NT5E: variants seen among roughly 807,000 people sequenced by gnomAD.
NT5E encodes 5'-nucleotidase.
NT5E carries 53 observed loss-of-function variants against 55.1 expected under a neutral mutation model. That is an observed-to-expected ratio of 0.96 (90% CI 0.77 to 1.21). The LOEUF is 1.21. NT5E is among the 50% of genes most tolerant of loss of function. NT5E has a pLI of 0.00. For missense variants in NT5E, 683 were observed against 724.3 expected (o/e 0.94, Z 0.65); for synonymous variants, 270 against 278.4 (o/e 0.97, Z 0.30).
chr6:85,487,307 G>A (rs769613191), intron 4 of NT5E, 28 bp from the exon 5 acceptor site: 4 of 1,599,202 alleles, frequency 2.5e-6, no homozygotes, highest in Admixed American at 3.3e-5. Context: ...AGATTTAATT[G>A]TAGGGTACCT....
In NT5E at chr6:85,471,312, A is replaced by G. The variant is rs1167551453; in HGVS notation, c.638A>G (p.Asn213Ser). The G allele has an allele frequency of 1.2e-6, 2 of 1,613,034 alleles. No individual in the cohort carries two copies. Among genetic ancestry groups the G allele is most frequent in the East Asian group, 2.2e-5 (1 of 44,866 alleles). Residue 213 changes from asparagine to serine, a missense_variant, in exon 3 of 9, where the codon AAC (asparagine) becomes AGC (serine). Coordinates refer to ENST00000257770, the MANE Select transcript of NT5E (RefSeq NM_002526.4). ...GATAAGTTAAAAACTCTAAATGTGA[A>G]CAAAATTATTGCACTGGGACATTCG... is the stretch of plus-strand genomic sequence containing the variant. ...EVDKLKTLNV[N>S]KIIALGHSGF...
Position 85,485,300 on chromosome 6 carries a change from C to G in NT5E, c.817C>G (p.Arg273Gly). 6.2e-7 allele frequency: 1 copy of G among 1,614,168 alleles called. No homozygotes were observed. The highest frequency in any genetic ancestry group is 1.1e-5 in the South Asian group (1 of 91,088). The change falls in exon 4 of 9, where the codon CGG (arginine) becomes GGG (glycine). Residue 273 changes from arginine (R) to glycine (G), a missense_variant. Physicochemically the swap from Arg to Gly is moderately radical, Grantham distance 125. Transcript: ENST00000257770. The stretch of plus-strand genomic sequence containing the variant: ...ATTCATAGTCACTTCTGATGATGGG[C>G]GGAAGGTTCCTGTAGTCCAGGCCTA... ...YPFIVTSDDGRKVPVVQAYAF... is the reference protein window; with the variant it reads ...YPFIVTSDDGGKVPVVQAYAF...
At chr6:85,487,222 T>C in intron 4 of NT5E, 113 bp from the exon 5 acceptor site, 1 of 1,033,282 alleles carries the variant, frequency 9.7e-7, no homozygotes. Context: ...CACACAAATA[T>C]GGTAAACAAA....
chr6:85,461,092 C>T (rs1190713762), intron 1 of NT5E, among the ~76,000 whole-genome samples: 1 of 152,180 alleles, frequency 6.6e-6, no homozygotes, highest in African/African-American at 2.4e-5. Context: ...CCTATAACCA[C>T]TTAAAATGTA....
intron 3 of NT5E, among the ~76,000 whole-genome samples, chr6:85,478,749 A>G (rs1393478789): frequency 1.3e-5 from 2 of 151,096 alleles, no homozygotes; most frequent in Non-Finnish European, 2.9e-5. Flanking sequence ...ATATATATAG[A>G]AAGAATATTA....
intron 3 of NT5E, among the ~76,000 whole-genome samples, chr6:85,479,241 T>C (rs940514299): frequency 6.6e-6 from 1 of 152,250 alleles, no homozygotes; most frequent in Non-Finnish European, 1.5e-5. Flanking sequence ...TAAATGTATC[T>C]TCTTACTCTT....
At chr6:85,485,084 C>A in intron 3 of NT5E, 151 bp from the exon 4 acceptor site, 2 of 737,718 alleles carry the variant, frequency 2.7e-6, no homozygotes, top group Non-Finnish European at 4.7e-6. Context: ...GGGCAAATGC[C>A]CAGATAGGGC....
intron 3 of NT5E, among the ~76,000 whole-genome samples, chr6:85,478,977 C>T (rs1188379003): frequency 6.6e-6 from 1 of 152,080 alleles, no homozygotes; most frequent in Non-Finnish European, 1.5e-5. Context: ...AATTTCCCCT[C>T]CTTGCTTCTC....
At chr6:85,467,698 C>T (rs1277879859) in intron 2 of NT5E, among the ~76,000 whole-genome samples, 1 of 152,188 alleles carries the variant, frequency 6.6e-6, no homozygotes, top group African/African-American at 2.4e-5. Context: ...ATGATTATTA[C>T]ATGTCCAGCT....
At chr6:85,488,860 G>A (rs867567261) in intron 5 of NT5E, among the ~76,000 whole-genome samples, 2 of 149,330 alleles carry the variant, frequency 1.3e-5, no homozygotes, top group South Asian at 4.2e-4. Context: ...GGATTTACAG[G>A]TGTGAGCCAC....
At chr6:85,457,506 A>C (rs1320433196) in intron 1 of NT5E, among the ~76,000 whole-genome samples, 1 of 151,958 alleles carries the variant, frequency 6.6e-6, no homozygotes, top group African/African-American at 2.4e-5. Flanking sequence ...CAACTCTCTA[A>C]TTTCTCCTTC....
intron 4 of NT5E, among the ~76,000 whole-genome samples, chr6:85,486,411 C>G (rs564468638): frequency 6.6e-6 from 1 of 152,218 alleles, no homozygotes; most frequent in African/African-American, 2.4e-5. Context: ...GAGGGGAGTA[C>G]GCCTTAACCC....
intron 1 of NT5E, among the ~76,000 whole-genome samples, chr6:85,453,742 C>T (rs1768936215): frequency 6.6e-6 from 1 of 152,162 alleles, no homozygotes; most frequent in Non-Finnish European, 1.5e-5. Context: ...TAGCCAATTG[C>T]TCCTAAATGG....
intron 5 of NT5E, among the ~76,000 whole-genome samples, chr6:85,489,094 T>C (rs1487764637): frequency 6.6e-6 from 1 of 152,176 alleles, no homozygotes; most frequent in Non-Finnish European, 1.5e-5. Flanking sequence ...GCATGAGGTC[T>C]GGTGTTGAGC....
intron 1 of NT5E, among the ~76,000 whole-genome samples, chr6:85,451,507 T>TA (rs202158710): frequency 1.0e-4 from 15 of 149,334 alleles, no homozygotes; most frequent in South Asian, 2.1e-4. Flanking sequence ...ATATGGTGGT[T>TA]AAAAAAAAAA....
intron 7 of NT5E, among the ~76,000 whole-genome samples, chr6:85,491,628 C>T (rs1303604923): frequency 6.6e-6 from 1 of 152,252 alleles, no homozygotes; most frequent in Non-Finnish European, 1.5e-5. Context: ...AAAATGCTCT[C>T]TGCCTCTGAT....
intron 3 of NT5E, among the ~76,000 whole-genome samples, chr6:85,478,883 A>T (rs907795638): frequency 6.6e-6 from 1 of 152,074 alleles, no homozygotes; most frequent in African/African-American, 2.4e-5. Context: ...AATAGAAACC[A>T]GTAGGATATA....
At position 85,450,359 on chromosome 6, in the gene NT5E, G is replaced by T; in HGVS notation, c.220G>T (p.Ala74Ser). The change falls in exon 1 of 9, where the codon GCC becomes TCC. Residue 74 changes from alanine to serine, a missense_variant. Transcript: ENST00000257770. The surrounding 1 kb of genome is among the most constrained non-coding windows in gnomAD (Gnocchi z 4.0). ...LFTKVQQIRR[A>S]EPNVLLLDAG... ...CACCAAGGTTCAGCAGATCCGCCGC[G>T]CCGAACCCAACGTGCTGCTGCTGGA... The T allele has an allele frequency of 6.3e-7, 1 of 1,594,900 alleles. No homozygotes were observed. Among genetic ancestry groups the T allele is most frequent in the Admixed American group, 1.8e-5 (1 of 56,752 alleles).
At chr6:85,488,950 A>G (rs918635750) in intron 5 of NT5E, among the ~76,000 whole-genome samples, 57 of 150,654 alleles carry the variant, frequency 3.8e-4, no homozygotes, top group African/African-American at 1.2e-3. Context: ...TCTTATAACT[A>G]AACATATATT....
Sources: gnomAD v4.1 joint callset for allele counts (sites outside exome capture counted in the v4.1 genomes callset) on GRCh38, gnomAD v4.1.1 for gene constraint, Gnocchi (gnomAD v3.1) non-coding constraint, MANE v1.5 for transcripts, NCBI Gene and HGNC (gene_info 2026-07-23, HGNC 2026-07-21) for gene names.